The following CTNNA3 variants were observed in gnomAD, a reference collection of about 807,000 sequenced individuals.
The protein encoded by CTNNA3 is catenin alpha 3.
In CTNNA3, 76 loss-of-function variants were observed where a neutral mutation model predicts 95.7. The observed-to-expected ratio is 0.79, with a 90% CI of 0.66 to 0.96. The LOEUF is 0.96. Ranked by LOEUF, CTNNA3 falls within the 40% of genes least tolerant of loss-of-function variation. The pLI, the probability that CTNNA3 is intolerant of heterozygous loss-of-function variation, is 0.00. For synonymous variants in CTNNA3, 431 were observed against 374.4 expected, an observed-to-expected ratio of 1.15 and a Z score of -1.74; for missense variants, 1,191 against 1,089.8, an observed-to-expected ratio of 1.09 and a Z score of -1.31.
chr10:67,104,425 T>C (rs1355250745), intron 7 of CTNNA3, among the ~76,000 whole-genome samples: 1 of 152,018 alleles, frequency 6.6e-6, no homozygotes, highest in Non-Finnish European at 1.5e-5. Context: ...ACTCAGAATG[T>C]AATATGTAGT....
intron 13 of CTNNA3, among the ~76,000 whole-genome samples, chr10:66,245,584 G>C (rs1282618194): frequency 6.6e-6 from 1 of 152,156 alleles, no homozygotes; most frequent in Non-Finnish European, 1.5e-5. Context: ...TCCCACAGAG[G>C]GTAGCTCCTT....
At chr10:66,530,664 A>G (rs540548777) in intron 10 of CTNNA3, among the ~76,000 whole-genome samples, 2 of 152,092 alleles carry the variant, frequency 1.3e-5, no homozygotes, top group Non-Finnish European at 1.5e-5. Context: ...CTAACCTGCC[A>G]TGGACTCCAG....
chr10:66,792,804 T>C (rs554028468), intron 7 of CTNNA3, among the ~76,000 whole-genome samples: 15 of 152,256 alleles, frequency 9.9e-5, no homozygotes, highest in African/African-American at 3.6e-4. Flanking sequence ...TAAAACAAAC[T>C]TCTAAAGATT....
Position 66,717,262 on chromosome 10 carries a change from A to G in CTNNA3, c.1281+49002T>C, listed in dbSNP as rs139596130. Among the ~76,000 whole-genome samples the G allele has an allele frequency of 1.0e-3, 155 of 152,242 alleles. 2 individuals carry two copies. In the East Asian group the frequency reaches 0.025, roughly 25 times the overall value. ...AGCCAATTCCTTTTGGAGGACCCCG[A>G]CTGACACAGGTAAATAATTCCATCT... On this transcript the variant is annotated intron_variant, in intron 9 of 17. Coordinates refer to ENST00000433211, the MANE Select transcript of CTNNA3 (RefSeq NM_013266.4).
intron 13 of CTNNA3, among the ~76,000 whole-genome samples, chr10:66,212,630 T>C (rs1388381663): frequency 6.6e-6 from 1 of 152,198 alleles, no homozygotes; most frequent in East Asian, 1.9e-4. Flanking sequence ...ATTTTTAATT[T>C]AGTATTTGAA....
chr10:66,508,180 G>GTTTTTT (rs761851664), intron 11 of CTNNA3, among the ~76,000 whole-genome samples: 1 of 114,544 alleles, frequency 8.7e-6, no homozygotes. Flanking sequence ...AGCAGCTCTT[G>GTTTTTT]TTTTTTTTTT....
intron 2 of CTNNA3, among the ~76,000 whole-genome samples, chr10:67,643,672 T>C (rs1027958538): frequency 1.3e-5 from 2 of 151,980 alleles, no homozygotes; most frequent in African/African-American, 2.4e-5. Context: ...CTCCTAATGC[T>C]ATCCCTCCCC....
intron 10 of CTNNA3, among the ~76,000 whole-genome samples, chr10:66,568,776 C>T (rs955006806): frequency 3.3e-5 from 5 of 151,636 alleles, no homozygotes; most frequent in Non-Finnish European, 5.9e-5. Flanking sequence ...TTAGCAGAAA[C>T]GCATGGAATC....
intron 5 of CTNNA3, among the ~76,000 whole-genome samples, chr10:67,352,221 T>A (rs753952513): frequency 6.6e-6 from 1 of 151,872 alleles, no homozygotes; most frequent in Non-Finnish European, 1.5e-5. Flanking sequence ...ATCAACCAGA[T>A]CCTAGGACTC....
At chr10:67,694,179 T>G (rs371146512) in intron 1 of CTNNA3, among the ~76,000 whole-genome samples, 2 of 152,190 alleles carry the variant, frequency 1.3e-5, no homozygotes, top group Admixed American at 1.3e-4. Flanking sequence ...AACAATACTA[T>G]CTATCGGTTT....
At chr10:66,122,863 C>G (rs560850986) in intron 13 of CTNNA3, among the ~76,000 whole-genome samples, 54 of 152,294 alleles carry the variant, frequency 3.5e-4, no homozygotes, top group Admixed American at 2.4e-3. Flanking sequence ...CATTTACTAT[C>G]ATGAGAACAG....
intron 12 of CTNNA3, among the ~76,000 whole-genome samples, chr10:66,364,643 C>G (rs1288696754): frequency 6.6e-6 from 1 of 152,032 alleles, no homozygotes; most frequent in Non-Finnish European, 1.5e-5. Context: ...AAATTTATTT[C>G]TTAAACGTTT....
At chr10:66,417,220 A>G (rs1564942272) in intron 11 of CTNNA3, among the ~76,000 whole-genome samples, 1 of 152,078 alleles carries the variant, frequency 6.6e-6, no homozygotes, top group Non-Finnish European at 1.5e-5. Context: ...AACAGAATTC[A>G]AAGTGAGCAG....
At chr10:66,907,335 T>G (rs1163645114) in intron 7 of CTNNA3, among the ~76,000 whole-genome samples, 2 of 152,212 alleles carry the variant, frequency 1.3e-5, no homozygotes, top group Admixed American at 1.3e-4. Flanking sequence ...TTTGTATACT[T>G]ACTTTGTAAT....
intron 1 of CTNNA3, among the ~76,000 whole-genome samples, chr10:67,717,702 G>A (rs554670326): frequency 7.8e-4 from 118 of 152,252 alleles, no homozygotes; most frequent in African/African-American, 2.6e-3. Context: ...CCAGTACCAC[G>A]TTGCTTTGGT....
intron 16 of CTNNA3, among the ~76,000 whole-genome samples, chr10:65,975,526 T>G (rs1051493549): frequency 6.6e-6 from 1 of 152,140 alleles, no homozygotes; most frequent in African/African-American, 2.4e-5. Context: ...CACTCAATCA[T>G]TAAAACTGTA....
At chr10:67,234,302 A>G (rs1865355503) in intron 5 of CTNNA3, among the ~76,000 whole-genome samples, 1 of 152,188 alleles carries the variant, frequency 6.6e-6, no homozygotes, top group African/African-American at 2.4e-5. Context: ...GCACATCAAA[A>G]AGCTTATCCA....
At chr10:66,227,231 T>C (rs2089343169) in intron 13 of CTNNA3, among the ~76,000 whole-genome samples, 1 of 152,060 alleles carries the variant, frequency 6.6e-6, no homozygotes, top group African/African-American at 2.4e-5. Context: ...TAAATAAGAG[T>C]GGTGAAAGTG....
At chr10:66,479,975 CA>C (rs1290012581) in intron 11 of CTNNA3, among the ~76,000 whole-genome samples, 3 of 151,880 alleles carry the variant, frequency 2.0e-5, no homozygotes, top group African/African-American at 7.3e-5. Flanking sequence ...CACACACACA[CA>C]CACCCCAGAA....
Sources: allele counts gnomAD v4.1 joint callset (sites outside exome capture counted in the v4.1 genomes callset), GRCh38; gene constraint gnomAD v4.1.1; transcripts MANE v1.5; gene names NCBI Gene and HGNC (gene_info 2026-07-23, HGNC 2026-07-21).